The following ADAM10 variants were observed in gnomAD, a reference collection of about 807,000 sequenced individuals.
ADAM10 encodes the protein disintegrin and metalloproteinase domain-containing protein 10.
ADAM10 carries 17 observed loss-of-function variants against 90.1 expected under a neutral mutation model. The ratio of observed to expected loss-of-function variants is 0.19; its 90% confidence interval spans 0.13 to 0.28. The LOEUF (loss-of-function observed/expected upper bound fraction) is 0.28. Ranked by LOEUF, ADAM10 falls within the 10% of genes least tolerant of loss-of-function variation. The pLI is 1.00. For synonymous variants in ADAM10, 310 were observed against 298.6 expected (o/e 1.04, Z -0.40); for missense variants, 610 against 914.3 (o/e 0.67, Z 4.29).
intron 5 of ADAM10, among the ~76,000 whole-genome samples, chr15:58,655,702 A>ATAGTGTG (rs1896798351): frequency 1.9e-5 from 1 of 53,838 alleles, no homozygotes; most frequent in East Asian, 2.2e-3. Flanking sequence ...TATAGTATAT[A>ATAGTGTG]TATATATAGT....
rs1894940533 is a variant in ADAM10, at chr15:58,596,004, A to G, written c.*1543T>C. On this transcript the variant is annotated 3_prime_UTR_variant, in exon 16 of 16. Coordinates refer to ENST00000260408, the MANE Select transcript of ADAM10 (RefSeq NM_001110.4). ...CATACTGTACAAGTTTACAAGGAAG[A>G]GATCCCGTTATTTTCTCTAGCATTT... The G allele has an allele frequency of 6.6e-6, 1 of 151,952 alleles. No individual in the cohort carries two copies. Among genetic ancestry groups the G allele is most frequent in the Non-Finnish European group, 1.5e-5 (1 of 67,936 alleles). The allele number at this position is 151,952 out of a possible 1,614,324, so 9.4% of individuals were successfully genotyped here.
At position 58,611,909 on chromosome 15, in the gene ADAM10, T is replaced by C; in HGVS notation, c.1594A>G (p.Arg532Gly). 6.2e-7 allele frequency: 1 copy of C among 1,614,186 alleles called. No individual in the cohort carries two copies. Among genetic ancestry groups the C allele is most frequent in the Non-Finnish European group, 8.5e-7 (1 of 1,180,016 alleles). The change falls in exon 12 of 16, where the codon AGG becomes GGG. Residue 532 changes from arginine (R) to glycine (G), a missense_variant. Transcript: ENST00000260408. ...GTGAAGCCATTACATATTCCTTCCC[T>C]TGCACAGTCTGAATCATCCCGACAC... ...EKCRDDSDCAREGICNGFTAL... is the reference protein window; with the variant it reads ...EKCRDDSDCAGEGICNGFTAL...
Position 58,589,928 on chromosome 15 carries a change from C to T in ADAM10, c.*7619G>A, listed in dbSNP as rs1894790862. 1 of 152,074 alleles carries T rather than the reference C, an allele frequency of 6.6e-6. No individual in the cohort carries two copies. The highest frequency in any genetic ancestry group is 2.4e-5 in the African/African-American group (1 of 41,392). The allele number at this position is 152,074 out of a possible 1,614,324, so 9.4% of individuals were successfully genotyped here. ...TGACACCTGCCAAAGTACAAGCCAG[C>T]TCTTCAGCAAATGAATGCAATGCAA... On this transcript the variant is annotated 3_prime_UTR_variant, in exon 16 of 16. Transcript: ENST00000260408.
At chr15:58,599,146 G>C (rs1228827423) in intron 15 of ADAM10, among the ~76,000 whole-genome samples, 3 of 109,754 alleles carry the variant, frequency 2.7e-5, no homozygotes, top group Non-Finnish European at 5.1e-5. Flanking sequence ...AACACAGTGA[G>C]AGAAAGAAAA....
intron 5 of ADAM10, among the ~76,000 whole-genome samples, chr15:58,663,942 A>G (rs1393305448): frequency 6.6e-6 from 1 of 152,102 alleles, no homozygotes; most frequent in African/African-American, 2.4e-5. Flanking sequence ...ACAGTCTATA[A>G]TCTCAACCCC....
chr15:58,729,698 T>C (rs973305810), intron 1 of ADAM10, among the ~76,000 whole-genome samples: 71 of 152,280 alleles, frequency 4.7e-4, no homozygotes, highest in African/African-American at 1.7e-3. Context: ...GCGCAGGGGC[T>C]CACGCTTGTA....
chr15:58,707,143 G>C (rs1356535605), intron 2 of ADAM10, among the ~76,000 whole-genome samples: 1 of 151,848 alleles, frequency 6.6e-6, no homozygotes, highest in African/African-American at 2.4e-5. Flanking sequence ...AGCACTCTGA[G>C]AGGCTAAGGC....
chr15:58,708,315 G>A (rs939267871), intron 2 of ADAM10, among the ~76,000 whole-genome samples: 1 of 152,000 alleles, frequency 6.6e-6, no homozygotes, highest in Non-Finnish European at 1.5e-5. Flanking sequence ...GGATATATAA[G>A]GGAGCCCCCA....
At chr15:58,631,185 T>C (rs180750675) in intron 9 of ADAM10, among the ~76,000 whole-genome samples, 1 of 152,316 alleles carries the variant, frequency 6.6e-6, no homozygotes, top group East Asian at 1.9e-4. Context: ...CCATGCTTTT[T>C]GTACAGCCTA....
intron 2 of ADAM10, among the ~76,000 whole-genome samples, chr15:58,700,465 A>T (rs962076792): frequency 2.0e-5 from 3 of 152,190 alleles, no homozygotes; most frequent in African/African-American, 7.2e-5. Context: ...TTAAACAAAC[A>T]TCCTCCTGAA....
At chr15:58,702,731 A>G (rs890896349) in intron 2 of ADAM10, among the ~76,000 whole-genome samples, 7 of 152,274 alleles carry the variant, frequency 4.6e-5, no homozygotes, top group Admixed American at 2.0e-4. Context: ...AGCAGTGCAG[A>G]TAATTTAAAA....
At chr15:58,603,812 G>C (rs1018287362) in intron 14 of ADAM10, among the ~76,000 whole-genome samples, 3 of 142,964 alleles carry the variant, frequency 2.1e-5, no homozygotes, top group Non-Finnish European at 4.5e-5. Context: ...TATCCTTACA[G>C]TGGTATAGAC....
intron 4 of ADAM10, among the ~76,000 whole-genome samples, chr15:58,675,410 G>A (rs1395266954): frequency 6.6e-6 from 1 of 152,154 alleles, no homozygotes; most frequent in African/African-American, 2.4e-5. Flanking sequence ...AAAGGTGTAA[G>A]GGAATTATTG....
chr15:58,621,387 C>T (rs1895782550), intron 11 of ADAM10, 84 bp downstream of exon 11: 3 of 1,525,300 alleles, frequency 2.0e-6, no homozygotes, highest in African/African-American at 2.7e-5. Context: ...CCATATGCAT[C>T]TCTTAATCTC....
intron 2 of ADAM10, chr15:58,692,465 G>A: frequency 1.9e-6 from 1 of 526,658 alleles, no homozygotes; most frequent in Non-Finnish European, 3.8e-6. Flanking sequence ...TCAGTCTTGG[G>A]CTTTTCTTTA....
intron 2 of ADAM10, 97 bp downstream of exon 2, chr15:58,717,480 T>C: frequency 2.0e-6 from 3 of 1,485,858 alleles, no homozygotes; most frequent in Middle Eastern, 1.8e-4. Flanking sequence ...AATGAAGACC[T>C]TGCATTAGAG....
intron 1 of ADAM10, among the ~76,000 whole-genome samples, chr15:58,737,765 G>C (rs1899478580): frequency 6.6e-6 from 1 of 151,940 alleles, no homozygotes; most frequent in South Asian, 2.1e-4. Flanking sequence ...CCCAATCCTT[G>C]AACCCAAAAC....
chr15:58,714,725 A>G (rs968717014), intron 2 of ADAM10, among the ~76,000 whole-genome samples: 2 of 152,026 alleles, frequency 1.3e-5, no homozygotes, highest in Admixed American at 6.5e-5. Context: ...TTAAATACAA[A>G]AAATAAAAAT....
chr15:58,613,463 A>G (rs771887371), intron 11 of ADAM10, among the ~76,000 whole-genome samples: 42 of 152,202 alleles, frequency 2.8e-4, no homozygotes, highest in Non-Finnish European at 8.8e-5. Flanking sequence ...GGTCCCAAAG[A>G]AAAGGAAATC....
Sources: allele counts gnomAD v4.1 joint callset (sites outside exome capture counted in the v4.1 genomes callset), GRCh38; gene constraint gnomAD v4.1.1; transcripts MANE v1.5; gene names NCBI Gene and HGNC (gene_info 2026-07-23, HGNC 2026-07-21).